RANBP17: variants seen among roughly 807,000 people sequenced by gnomAD.
RANBP17 encodes the protein RAN binding protein 17.
Under a neutral mutation model 141.2 loss-of-function variants are expected in RANBP17, and 158 were observed. The ratio of observed to expected loss-of-function variants is 1.12; its 90% CI spans 0.98 to 1.28. RANBP17 has a LOEUF of 1.28. RANBP17 is among the 50% of genes most tolerant of loss of function. The pLI is 0.00. For synonymous variants in RANBP17, 430 were observed against 450.0 expected (o/e 0.96, Z 0.56); for missense variants, 1,438 against 1,290.7 (o/e 1.11, Z -1.75).
chr5:170,916,618 G>C (rs1215492484), intron 9 of RANBP17, 34 bp downstream of exon 9: 2 of 1,381,836 alleles, frequency 1.4e-6, no homozygotes, highest in Admixed American at 2.4e-5. Flanking sequence ...TTAGCATATA[G>C]AGATACAGTT....
intron 19 of RANBP17, among the ~76,000 whole-genome samples, chr5:171,204,627 C>T (rs2127959995): frequency 6.6e-6 from 1 of 152,280 alleles, no homozygotes; most frequent in African/African-American, 2.4e-5. Context: ...TTTGTTCCGA[C>T]ATTCTAGCAT....
intron 14 of RANBP17, among the ~76,000 whole-genome samples, chr5:171,063,600 G>T (rs571051598): frequency 6.6e-6 from 1 of 152,212 alleles, no homozygotes; most frequent in East Asian, 1.9e-4. Context: ...TAGGCTGCTC[G>T]GGGGTCAGGG....
intron 14 of RANBP17, among the ~76,000 whole-genome samples, chr5:171,063,797 G>A (rs1784093877): frequency 1.3e-5 from 2 of 152,194 alleles, no homozygotes; most frequent in African/African-American, 4.8e-5. Flanking sequence ...AGGCTTCCTT[G>A]AGCTGTGGTG....
At chr5:171,012,029 AATAT>A (rs1561985994) in intron 14 of RANBP17, among the ~76,000 whole-genome samples, 1 of 150,612 alleles carries the variant, frequency 6.6e-6, no homozygotes, top group African/African-American at 2.4e-5. Flanking sequence ...TTAAACAAAT[AATAT>A]ATTTGTTTAA....
At chr5:171,070,690 A>G (rs1784582157) in intron 14 of RANBP17, among the ~76,000 whole-genome samples, 1 of 152,100 alleles carries the variant, frequency 6.6e-6, no homozygotes, top group Non-Finnish European at 1.5e-5. Context: ...TCATATTATA[A>G]TAATGAGATA....
chr5:170,934,425 T>G lies in RANBP17; in HGVS notation c.1468+9875T>G, dbSNP rs146793258. On this transcript the variant is annotated intron_variant, in intron 12 of 27. Transcript: ENST00000523189. ...TCGTTGTTGCAGTTTCTTCCTAGTA[T>G]TGGTCTTATTTGGCATGTTTTTGCA... is the stretch of plus-strand genomic sequence containing the variant. 6.0e-3 allele frequency among the ~76,000 whole-genome samples: 910 copies of G among 152,296 alleles called. 30 individuals carry two copies. Among genetic ancestry groups the G allele is most frequent in the Admixed American group, 0.037 (568 of 15,300 alleles).
chr5:171,145,846 A>G (rs534316601), intron 14 of RANBP17, among the ~76,000 whole-genome samples: 6 of 152,208 alleles, frequency 3.9e-5, no homozygotes, highest in African/African-American at 1.2e-4. Context: ...AATCCCCCCA[A>G]AAGTAAGGGA....
intron 22 of RANBP17, among the ~76,000 whole-genome samples, chr5:171,238,332 G>A (rs143001910): frequency 6.6e-6 from 1 of 152,220 alleles, no homozygotes; most frequent in Non-Finnish European, 1.5e-5. Context: ...CCAAAAGGCA[G>A]GACATATATG....
At chr5:171,277,451 C>G (rs562888875) in intron 25 of RANBP17, among the ~76,000 whole-genome samples, 86 of 151,234 alleles carry the variant, frequency 5.7e-4, no homozygotes, top group Middle Eastern at 3.4e-3. Context: ...CTAAGCATTT[C>G]CTTCATTCTG....
intron 24 of RANBP17, among the ~76,000 whole-genome samples, chr5:171,244,893 A>G (rs1199212467): frequency 6.6e-6 from 1 of 152,116 alleles, no homozygotes; most frequent in Non-Finnish European, 1.5e-5. Context: ...TGGGAGGCCG[A>G]GCTGGGCGGA....
Position 171,041,737 on chromosome 5 carries a change from T to A in RANBP17, c.1710+73360T>A, listed in dbSNP as rs187679696. Among the ~76,000 whole-genome samples, 926 of 152,280 alleles carry A rather than the reference T, an allele frequency of 6.1e-3. 8 individuals carry two copies. Among genetic ancestry groups the A allele is most frequent in the Non-Finnish European group, 0.01 (714 of 68,030 alleles). Reference sequence around the variant, plus strand: ...GCACAGTAAAAAATACACTTTTTTTTAAATTTAATATTATTTTAAGTTCTG... The same window carrying A: ...GCACAGTAAAAAATACACTTTTTTTAAAATTTAATATTATTTTAAGTTCTG... On this transcript the variant is annotated intron_variant, in intron 14 of 27. Transcript: ENST00000523189.
intron 14 of RANBP17, among the ~76,000 whole-genome samples, chr5:171,082,993 G>C (rs959168531): frequency 1.3e-5 from 2 of 152,048 alleles, no homozygotes; most frequent in Non-Finnish European, 2.9e-5. Context: ...AAGACAGTCA[G>C]CTCCCCAACA....
At chr5:170,953,219 A>T (rs897718739) in intron 12 of RANBP17, among the ~76,000 whole-genome samples, 3 of 152,116 alleles carry the variant, frequency 2.0e-5, no homozygotes, top group Non-Finnish European at 2.9e-5. Context: ...TGAATAACAG[A>T]TCTGGTCCTA....
At chr5:171,121,587 G>A (rs1281737768) in intron 14 of RANBP17, among the ~76,000 whole-genome samples, 1 of 152,182 alleles carries the variant, frequency 6.6e-6, no homozygotes, top group Non-Finnish European at 1.5e-5. Flanking sequence ...AGAACATGCA[G>A]CAGTTTGTTA....
At chr5:171,056,427 T>A (rs1479144809) in intron 14 of RANBP17, among the ~76,000 whole-genome samples, 1 of 152,186 alleles carries the variant, frequency 6.6e-6, no homozygotes, top group East Asian at 1.9e-4. Context: ...CAAAGAAATT[T>A]TGTTATCTTG....
chr5:170,884,670 C>CT (rs1174320434), intron 3 of RANBP17, among the ~76,000 whole-genome samples: 7 of 151,838 alleles, frequency 4.6e-5, no homozygotes, highest in Non-Finnish European at 1.0e-4. Context: ...TTCTGTCTGA[C>CT]TTTTTTGCTT....
intron 14 of RANBP17, among the ~76,000 whole-genome samples, chr5:171,004,633 C>CT (rs1561977370): frequency 6.6e-6 from 1 of 152,118 alleles, no homozygotes; most frequent in Non-Finnish European, 1.5e-5. Flanking sequence ...GCTTCCAAGG[C>CT]GATGGGCAGC....
At chr5:171,197,566 A>G (rs985755069) in intron 18 of RANBP17, among the ~76,000 whole-genome samples, 6 of 152,360 alleles carry the variant, frequency 3.9e-5, no homozygotes, top group African/African-American at 1.2e-4. Context: ...CGAAGATACT[A>G]TCAGCGTAAG....
At chr5:171,103,475 C>G (rs1239460541) in intron 14 of RANBP17, among the ~76,000 whole-genome samples, 1 of 152,140 alleles carries the variant, frequency 6.6e-6, no homozygotes, top group African/African-American at 2.4e-5. Context: ...CATCCCAGGT[C>G]GACTTCAGAC....
Sources: allele counts gnomAD v4.1 joint callset (sites outside exome capture counted in the v4.1 genomes callset), GRCh38; gene constraint gnomAD v4.1.1; transcripts MANE v1.5; gene names NCBI Gene and HGNC (gene_info 2026-07-23, HGNC 2026-07-21).